GPC6: variants seen among roughly 807,000 people sequenced by gnomAD.
GPC6 encodes glypican 6.
A neutral mutation model predicts 55.2 loss-of-function variants in GPC6; 14 were observed. The observed-to-expected ratio is 0.25, with a 90% CI of 0.17 to 0.40. The LOEUF is 0.40. GPC6 is among the 10% of genes least tolerant of loss of function. GPC6 has a pLI of 1.00. For synonymous variants in GPC6, 278 were observed against 259.6 expected (o/e 1.07, Z -0.68); for missense variants, 641 against 708.5 (o/e 0.90, Z 1.08).
chr13:93,712,251 C>T (rs1883093039), intron 2 of GPC6, among the ~76,000 whole-genome samples: 1 of 151,606 alleles, frequency 6.6e-6, no homozygotes, highest in Non-Finnish European at 1.5e-5. Context: ...GAGTAATGCG[C>T]AAAAATGCCA....
Position 93,497,045 on chromosome 13 carries a change from G to A in GPC6, c.161-48218G>A, listed in dbSNP as rs554288415. Among the ~76,000 whole-genome samples the A allele has an allele frequency of 1.6e-3, 250 of 152,290 alleles. 1 individual carries two copies. Among genetic ancestry groups the A allele is most frequent in the Middle Eastern group, 3.4e-3 (1 of 294 alleles). ...CGTTAATCCGAGGAAGGTTGCAATG[G>A]CTTGTGAGATGATGACACTGATGCC... On this transcript the variant is annotated intron_variant, in intron 1 of 8. Coordinates refer to ENST00000377047, the MANE Select transcript of GPC6 (RefSeq NM_005708.5).
chr13:94,287,063 T>G (rs1377153986), intron 5 of GPC6, among the ~76,000 whole-genome samples: 2 of 152,186 alleles, frequency 1.3e-5, no homozygotes, highest in African/African-American at 4.8e-5. Context: ...GGTTTGCAGC[T>G]GTACAACACA....
At chr13:93,868,376 A>T (rs1889033689) in intron 3 of GPC6, among the ~76,000 whole-genome samples, 1 of 151,812 alleles carries the variant, frequency 6.6e-6, no homozygotes, top group South Asian at 2.1e-4. Flanking sequence ...TGCTTCTTTT[A>T]TTAAGTTAAT....
intron 1 of GPC6, among the ~76,000 whole-genome samples, chr13:93,462,752 T>C (rs35113180): frequency 0.21 from 32,084 of 151,264 alleles, 3,554 homozygotes; most frequent in Middle Eastern, 0.28. Context: ...CTTAATAAAC[T>C]CTCCTGGGTT....
intron 1 of GPC6, among the ~76,000 whole-genome samples, chr13:93,456,702 G>T (rs147532030): frequency 1.3e-5 from 2 of 152,058 alleles, no homozygotes; most frequent in African/African-American, 4.8e-5. Context: ...GAATAGAGAC[G>T]TAAGGAATAA....
chr13:94,004,990 G>T (rs915090123), intron 3 of GPC6, among the ~76,000 whole-genome samples: 1 of 151,990 alleles, frequency 6.6e-6, no homozygotes, highest in Admixed American at 6.6e-5. Flanking sequence ...TAAACCCCAG[G>T]GGGAGGCGGA....
chr13:94,228,025 T>C (rs74740064), intron 4 of GPC6, among the ~76,000 whole-genome samples: 3,414 of 152,250 alleles, frequency 0.022, 60 homozygotes, highest in Non-Finnish European at 0.036. Context: ...AGGTAGCACA[T>C]AGCAGATATG....
chr13:93,755,226 A>AT (rs764813060), intron 2 of GPC6, among the ~76,000 whole-genome samples: 68 of 152,190 alleles, frequency 4.5e-4, no homozygotes, highest in Non-Finnish European at 6.6e-4. Context: ...GGACCTTGCC[A>AT]GCAGGAAGGT....
chr13:93,276,495 A>AGAGAGAGAGAGTGTGT (rs1365006783), intron 1 of GPC6, among the ~76,000 whole-genome samples: 6 of 94,454 alleles, frequency 6.4e-5, no homozygotes, highest in African/African-American at 2.7e-4. Flanking sequence ...AGAGAGAGAG[A>AGAGAGAGAGAGTGTGT]GTGTGTGTGT....
At chr13:94,347,302 A>C (rs756314717) in intron 6 of GPC6, among the ~76,000 whole-genome samples, 31 of 152,204 alleles carry the variant, frequency 2.0e-4, no homozygotes, top group Admixed American at 6.5e-5. Context: ...GATTGGAAAT[A>C]AATTAAGTGA....
intron 4 of GPC6, among the ~76,000 whole-genome samples, chr13:94,212,383 T>C (rs1890105492): frequency 6.6e-6 from 1 of 152,198 alleles, no homozygotes. Flanking sequence ...GAAAGTCATT[T>C]CTCTGAAGCT....
chr13:93,808,316 A>G (rs1389587434), intron 2 of GPC6, among the ~76,000 whole-genome samples: 2 of 152,216 alleles, frequency 1.3e-5, no homozygotes, highest in Non-Finnish European at 2.9e-5. Context: ...AAGATCACAC[A>G]TGCTCTTGTA....
intron 2 of GPC6, among the ~76,000 whole-genome samples, chr13:93,744,497 C>T (rs1884318118): frequency 7.0e-6 from 1 of 143,210 alleles, no homozygotes; most frequent in Non-Finnish European, 1.5e-5. Flanking sequence ...ATCTAAACTC[C>T]TTGTCTTCCT....
intron 4 of GPC6, among the ~76,000 whole-genome samples, chr13:94,054,653 C>G (rs753255923): frequency 5.9e-5 from 9 of 152,272 alleles, no homozygotes; most frequent in Admixed American, 2.0e-4. Context: ...TCAAGCCCAC[C>G]TTTGAGAAAA....
intron 3 of GPC6, among the ~76,000 whole-genome samples, chr13:93,967,503 CT>C (rs1199336753): frequency 6.6e-6 from 1 of 152,100 alleles, no homozygotes; most frequent in Non-Finnish European, 1.5e-5. Flanking sequence ...CTGTGTATCT[CT>C]TTTTATTTAC....
intron 3 of GPC6, among the ~76,000 whole-genome samples, chr13:93,936,667 A>T (rs1339050094): frequency 2.6e-5 from 4 of 152,318 alleles, no homozygotes; most frequent in Admixed American, 1.3e-4. Flanking sequence ...GGAAATAAAA[A>T]TGAAATGGCT....
chr13:94,399,770 C>T (rs1881050189), intron 8 of GPC6, among the ~76,000 whole-genome samples: 1 of 152,206 alleles, frequency 6.6e-6, no homozygotes, highest in Admixed American at 6.5e-5. Flanking sequence ...GACGTTATGG[C>T]TGTAAAATTC....
Position 93,904,092 on chromosome 13 carries a change from A to T in GPC6, c.711+73547A>T, listed in dbSNP as rs551158075. Among the ~76,000 whole-genome samples the T allele has an allele frequency of 1.2e-4, 18 of 152,270 alleles. No individual in the cohort carries two copies. In the South Asian group the frequency reaches 3.7e-3, roughly 32 times the overall value. On this transcript the variant is annotated intron_variant, in intron 3 of 8. Transcript: ENST00000377047. ...CTGCCCAAACAGCTGTTACAGGATG[A>T]GGTTAAGTGCAGTGACCACAGGAGG...
intron 1 of GPC6, among the ~76,000 whole-genome samples, chr13:93,397,828 T>A (rs1172411199): frequency 6.6e-6 from 1 of 152,056 alleles, no homozygotes; most frequent in African/African-American, 2.4e-5. Context: ...CTTGGAAGCC[T>A]GTCCTTTGCC....
Sources: allele counts gnomAD v4.1 joint callset (sites outside exome capture counted in the v4.1 genomes callset), GRCh38; gene constraint gnomAD v4.1.1; transcripts MANE v1.5; gene names NCBI Gene and HGNC (gene_info 2026-07-23, HGNC 2026-07-21).